PHACTR4: variants seen among roughly 807,000 people sequenced by gnomAD.
The protein encoded by PHACTR4 is protein phosphatase 1, regulatory subunit 124.
Under a neutral mutation model 72.7 loss-of-function variants are expected in PHACTR4, and 51 were observed. That is an observed-to-expected ratio of 0.70 (90% CI 0.56 to 0.89). The LOEUF (loss-of-function observed/expected upper bound fraction) is 0.89, where lower values mean the gene tolerates loss of function less well. PHACTR4 is among the 40% of genes least tolerant of loss of function. PHACTR4 has a pLI of 0.00. For missense variants in PHACTR4, 731 were observed against 861.8 expected, an observed-to-expected ratio of 0.85 and a Z score of 1.90; for synonymous variants, 255 against 302.5, an observed-to-expected ratio of 0.84 and a Z score of 1.63.
intron 1 of PHACTR4, among the ~76,000 whole-genome samples, chr1:28,395,383 C>G (rs1256446133): frequency 6.6e-6 from 1 of 152,020 alleles, no homozygotes; most frequent in Non-Finnish European, 1.5e-5. Flanking sequence ...AAATTAATGT[C>G]CTTTATAACT....
intron 1 of PHACTR4, among the ~76,000 whole-genome samples, chr1:28,382,622 A>G (rs1652273744): frequency 6.6e-6 from 1 of 151,576 alleles, no homozygotes; most frequent in Admixed American, 6.6e-5. Context: ...ATTTTTGCCC[A>G]TTTTTATGTC....
At position 28,460,222 on chromosome 1, in the gene PHACTR4, G is replaced by T; in HGVS notation, c.201G>T (p.Arg67=). The T allele has an allele frequency of 1.2e-6, 2 of 1,613,198 alleles. No homozygotes were observed. Among genetic ancestry groups the T allele is most frequent in the South Asian group, 2.2e-5 (2 of 90,924 alleles). The change falls in exon 4 of 14, where the codon CGG becomes CGT. Residue 67 remains arginine (R), a synonymous_variant. Transcript: ENST00000373839. ...CCAATTTAATGTTAGTTTTAGAACGGAAAATATCTATGCGAAAGCCAAGAG... is the reference window on the plus strand; with the variant it reads ...CCAATTTAATGTTAGTTTTAGAACGTAAAATATCTATGCGAAAGCCAAGAG... The part of the protein sequence containing the change: ...KFKETSEVLE[R]KISMRKPREE...
At chr1:28,416,443 C>A (rs1033548281) in intron 2 of PHACTR4, among the ~76,000 whole-genome samples, 11 of 152,218 alleles carry the variant, frequency 7.2e-5, no homozygotes, top group Admixed American at 1.3e-4. Context: ...TTAAGGAAAA[C>A]AGAGTACACA....
chr1:28,382,894 A>G (rs989137966), intron 1 of PHACTR4, among the ~76,000 whole-genome samples: 1 of 151,748 alleles, frequency 6.6e-6, no homozygotes, highest in Non-Finnish European at 1.5e-5. Flanking sequence ...CCTGGATTCA[A>G]GTGATTCTCC....
chr1:28,488,465 C>G (rs939829759), intron 9 of PHACTR4, among the ~76,000 whole-genome samples: 2 of 152,162 alleles, frequency 1.3e-5, no homozygotes, highest in African/African-American at 4.8e-5. Flanking sequence ...CCACTGCACT[C>G]CAGCCTAGGT....
chr1:28,444,214 C>CTTTTTTTTTTTT (rs746642128), intron 2 of PHACTR4, among the ~76,000 whole-genome samples: 1 of 41,088 alleles, frequency 2.4e-5, no homozygotes, highest in Admixed American at 2.8e-4. Flanking sequence ...ATATATTTGG[C>CTTTTTTTTTTTT]TTTTTTTTTT....
At position 28,402,655 on chromosome 1, in the gene PHACTR4, T is replaced by C. The variant is rs527733174; in HGVS notation, c.-38-4755T>C. On this transcript the variant is annotated intron_variant, in intron 1 of 13. Coordinates refer to ENST00000373839, the MANE Select transcript of PHACTR4 (RefSeq NM_001048183.3). ...TTACTAGGTGCTGTGGCTCACCATATAGGTTTGAGCATCATCTGTTTATGG... is the reference window on the plus strand; with the variant it reads ...TTACTAGGTGCTGTGGCTCACCATACAGGTTTGAGCATCATCTGTTTATGG... Among the ~76,000 whole-genome samples the C allele has an allele frequency of 2.6e-5, 4 of 152,240 alleles. No individual in the cohort carries two copies. The East Asian group carries it at 7.7e-4, about 29-fold the overall frequency.
intron 1 of PHACTR4, among the ~76,000 whole-genome samples, chr1:28,406,767 G>T (rs1654357006): frequency 6.6e-6 from 1 of 152,064 alleles, no homozygotes; most frequent in South Asian, 2.1e-4. Flanking sequence ...CTTGATTGGG[G>T]GTGCAGGAGG....
At chr1:28,477,875 A>T (rs1478838141) in intron 8 of PHACTR4, among the ~76,000 whole-genome samples, 1 of 151,284 alleles carries the variant, frequency 6.6e-6, no homozygotes, top group Non-Finnish European at 1.5e-5. Flanking sequence ...TTTTATAGAG[A>T]CAGCGTTTCA....
chr1:28,373,274 T>A (rs984559076), intron 1 of PHACTR4, among the ~76,000 whole-genome samples: 4 of 149,988 alleles, frequency 2.7e-5, no homozygotes, highest in Non-Finnish European at 4.4e-5. Flanking sequence ...TTTATTCATT[T>A]ATTTTGTTTG....
intron 1 of PHACTR4, among the ~76,000 whole-genome samples, chr1:28,387,650 G>A (rs928296408): frequency 1.3e-5 from 2 of 152,148 alleles, no homozygotes; most frequent in Non-Finnish European, 2.9e-5. Flanking sequence ...CTTTGCGGGG[G>A]CTGAGGCTGG....
chr1:28,491,858 T>C, intron 12 of PHACTR4, 71 bp downstream of exon 12: 1 of 1,511,182 alleles, frequency 6.6e-7, no homozygotes. Context: ...TCCAAGATAC[T>C]AACTAGAAGG....
chr1:28,370,201 C>G (rs1436565091), intron 1 of PHACTR4, among the ~76,000 whole-genome samples: 2 of 152,126 alleles, frequency 1.3e-5, no homozygotes, highest in Admixed American at 6.5e-5. Context: ...CCTGGGGATC[C>G]GGTTACAGTA....
intron 9 of PHACTR4, 97 bp downstream of exon 9, chr1:28,480,701 C>T (rs1660226694): frequency 4.7e-6 from 7 of 1,498,762 alleles, no homozygotes; most frequent in African/African-American, 2.8e-5. Context: ...TGTTTTGTTT[C>T]GTTTTCTGAG....
intron 2 of PHACTR4, among the ~76,000 whole-genome samples, chr1:28,427,766 A>AT (rs1655966460): frequency 6.6e-6 from 1 of 151,946 alleles, no homozygotes; most frequent in Admixed American, 6.6e-5. Context: ...GGCAGGGATT[A>AT]TTTTCCCCTG....
At chr1:28,440,596 G>A (rs1656955875) in intron 2 of PHACTR4, among the ~76,000 whole-genome samples, 1 of 151,508 alleles carries the variant, frequency 6.6e-6, no homozygotes, top group South Asian at 2.1e-4. Flanking sequence ...ATAGAAATCA[G>A]GAGCTTAACT....
chr1:28,373,537 A>G (rs560549502), intron 1 of PHACTR4, among the ~76,000 whole-genome samples: 3 of 152,060 alleles, frequency 2.0e-5, no homozygotes, highest in African/African-American at 4.8e-5. Context: ...TGATCCGCCC[A>G]CCTCAGCCTC....
At chr1:28,423,967 GAACTT>G (rs1042478185) in intron 2 of PHACTR4, among the ~76,000 whole-genome samples, 25 of 152,038 alleles carry the variant, frequency 1.6e-4, no homozygotes, top group Admixed American at 2.6e-4. Flanking sequence ...AGATAAATTT[GAACTT>G]AACTTTATTT....
chr1:28,424,950 A>G (rs1220900092), intron 2 of PHACTR4, among the ~76,000 whole-genome samples: 3 of 150,992 alleles, frequency 2.0e-5, no homozygotes, highest in African/African-American at 7.3e-5. Flanking sequence ...ATGCACCACC[A>G]CCCCGGCTAA....
Sources: gnomAD v4.1 joint callset for allele counts (sites outside exome capture counted in the v4.1 genomes callset) on GRCh38, gnomAD v4.1.1 for gene constraint, MANE v1.5 for transcripts, NCBI Gene and HGNC (gene_info 2026-07-23, HGNC 2026-07-21) for gene names.